Variants in PRKCZ observed in about 807,000 individuals in gnomAD.
The protein encoded by PRKCZ is protein kinase C zeta type.
Under a neutral mutation model 79.5 loss-of-function variants are expected in PRKCZ, and 33 were observed. That is an observed-to-expected ratio of 0.41 (90% CI 0.31 to 0.55). The LOEUF is 0.55. Among genes scored for constraint, PRKCZ ranks in the 20% least tolerant of loss-of-function variants. The pLI, the probability that PRKCZ is intolerant of heterozygous loss-of-function variation, is 0.19. For synonymous variants in PRKCZ, 342 were observed against 320.9 expected, an observed-to-expected ratio of 1.07 and a Z score of -0.70; for missense variants, 578 against 813.5, an observed-to-expected ratio of 0.71 and a Z score of 3.52.
At chr1:2,122,075 GGTAGTTAGGGTC>G (rs1557615576) in intron 4 of PRKCZ, among the ~76,000 whole-genome samples, 19 of 82,638 alleles carry the variant, frequency 2.3e-4, no homozygotes, top group Non-Finnish European at 3.1e-4. Flanking sequence ...GGGTCACGGT[GGTAGTTAGGGTC>G]GTGGTGGTTA....
rs1222440316 is a variant in PRKCZ at position 2,174,442 on chromosome 1, C to T, written c.1406-312C>T. Among the ~76,000 whole-genome samples, 1 of 152,232 alleles carries T rather than the reference C, an allele frequency of 6.6e-6. No individual in the cohort carries two copies. Among genetic ancestry groups the T allele is most frequent in the African/African-American group, 2.4e-5 (1 of 41,460 alleles). ...GCTGTGGGGATGTGGGATCTGGGAA[C>T]GCGGCTGTCTCCGCGGTGCCCTCTG... On this transcript the variant is annotated intron_variant, in intron 14 of 17. Coordinates refer to ENST00000378567, the MANE Select transcript of PRKCZ (RefSeq NM_002744.6). This position sits in a 1 kb window ranked among gnomAD's most constrained non-coding sequence, Gnocchi z 6.2.
intron 9 of PRKCZ, 94 bp from the exon 10 acceptor site, chr1:2,155,901 G>C (rs1680940781): frequency 9.4e-7 from 1 of 1,068,432 alleles, no homozygotes; most frequent in Admixed American, 1.7e-5. Context: ...CCTGAAAGCG[G>C]AGGAAAGAGA....
intron 4 of PRKCZ, among the ~76,000 whole-genome samples, chr1:2,086,279 T>C (rs1478465136): frequency 2.0e-5 from 3 of 152,220 alleles, no homozygotes; most frequent in East Asian, 1.9e-4. Flanking sequence ...CAGGCTGATC[T>C]TGAACTCCTG....
chr1:2,122,696 T>TCAC (rs1557619201), intron 4 of PRKCZ, among the ~76,000 whole-genome samples: 1 of 7,386 alleles, frequency 1.4e-4, no homozygotes, highest in Non-Finnish European at 2.0e-4. Flanking sequence ...GTGGTTAGGG[T>TCAC]TGTGGTGGTT....
chr1:2,155,724 TAGTG>T (rs1196673697), intron 9 of PRKCZ, among the ~76,000 whole-genome samples: 4 of 142,990 alleles, frequency 2.8e-5, no homozygotes, highest in Non-Finnish European at 4.6e-5. Context: ...GTGACGATGA[TAGTG>T]GGGGGTGGGG....
intron 4 of PRKCZ, among the ~76,000 whole-genome samples, chr1:2,086,682 C>T (rs898397834): frequency 2.0e-5 from 3 of 152,204 alleles, no homozygotes; most frequent in South Asian, 2.1e-4. Flanking sequence ...AGGCTGTGCC[C>T]GGTGGGCGGT....
Position 2,128,525 on chromosome 1 carries a change from C to T in PRKCZ, c.335-6737C>T, listed in dbSNP as rs971902237. On this transcript the variant is annotated intron_variant, in intron 4 of 17. Coordinates refer to ENST00000378567, the MANE Select transcript of PRKCZ (RefSeq NM_002744.6). The surrounding 1 kb of genome is among the most constrained non-coding windows in gnomAD (Gnocchi z 6.5). The stretch of plus-strand genomic sequence containing the variant: ...CTGAGCTCCTTAGAATTCCTGTGGC[C>T]GTCCTAATTATAGAATCTCAAAGAC... Among the ~76,000 whole-genome samples the T allele has an allele frequency of 2.6e-5, 4 of 152,194 alleles. No individual in the cohort carries two copies. Among genetic ancestry groups the T allele is most frequent in the East Asian group, 1.9e-4 (1 of 5,190 alleles).
rs367865287 is a variant in PRKCZ, at chr1:2,185,037, G to T, written c.*28G>T. On this transcript the variant is annotated 3_prime_UTR_variant, in exon 18 of 18. Coordinates refer to ENST00000378567, the MANE Select transcript of PRKCZ (RefSeq NM_002744.6). ...CCGCGTGCGTCTCTGTCGTGGACAC[G>T]CGTGATTGACCCTTTAACTGTATCC... 2 of 1,576,730 alleles carry T rather than the reference G, an allele frequency of 1.3e-6. No homozygotes were observed. The highest frequency in any genetic ancestry group is 2.3e-5 in the South Asian group (2 of 88,456).
chr1:2,146,538 G>T (rs1452797089), intron 7 of PRKCZ, among the ~76,000 whole-genome samples: 1 of 152,214 alleles, frequency 6.6e-6, no homozygotes, highest in African/African-American at 2.4e-5. Flanking sequence ...CGTGGCAGTG[G>T]CATGGTCCTT....
intron 10 of PRKCZ, among the ~76,000 whole-genome samples, chr1:2,158,371 G>A (rs1041432899): frequency 3.9e-5 from 6 of 152,314 alleles, no homozygotes; most frequent in East Asian, 1.9e-4. Flanking sequence ...GCGTGTGGAC[G>A]AGGCTTGTGG....
At chr1:2,162,500 A>G (rs1682514575) in intron 10 of PRKCZ, among the ~76,000 whole-genome samples, 1 of 152,146 alleles carries the variant, frequency 6.6e-6, no homozygotes, top group Admixed American at 6.5e-5. Context: ...ACATCCTTCT[A>G]AGTGTTGGAT....
At chr1:2,116,494 T>C (rs1670790660) in intron 4 of PRKCZ, among the ~76,000 whole-genome samples, 1 of 152,186 alleles carries the variant, frequency 6.6e-6, no homozygotes, top group Non-Finnish European at 1.5e-5. Context: ...TTTTTTGTGT[T>C]GCAAACAGCT....
At position 2,144,495 on chromosome 1, in the gene PRKCZ, C is replaced by T. The variant is rs111803142; in HGVS notation, c.552+154C>T. 2.3e-4 allele frequency: 328 copies of T among 1,446,884 alleles called. 3 individuals are homozygous for T. The African/African-American group carries it at 4.0e-3, about 18-fold the overall frequency. The allele number at this position is 1,446,884 out of a possible 1,614,324, so 89.6% of individuals were successfully genotyped here. ...GGGCTGCAGCGTGAGACTCAGGCGG[C>T]AGTCTTGGATAGGACCCATCTTCCT... On this transcript the variant is annotated intron_variant, in intron 6 of 17. Coordinates refer to ENST00000378567, the MANE Select transcript of PRKCZ (RefSeq NM_002744.6).
chr1:2,073,471 C>A, intron 4 of PRKCZ: 1 of 302,170 alleles, frequency 3.3e-6, no homozygotes, highest in African/African-American at 2.3e-5. Flanking sequence ...CCTGGCAGGC[C>A]AACCTGCAGG....
At chr1:2,115,963 C>T (rs1670668976) in intron 4 of PRKCZ, among the ~76,000 whole-genome samples, 1 of 152,214 alleles carries the variant, frequency 6.6e-6, no homozygotes, top group Non-Finnish European at 1.5e-5. Flanking sequence ...TCTCTCCTGT[C>T]TCCTCTCTGG....
intron 4 of PRKCZ, among the ~76,000 whole-genome samples, chr1:2,117,231 C>G (rs1323606490): frequency 6.6e-6 from 1 of 152,168 alleles, no homozygotes; most frequent in African/African-American, 2.4e-5. Context: ...ATTACAGATG[C>G]AAGCCACTGC....
chr1:2,149,877 G>A lies in PRKCZ; in HGVS notation c.688-913G>A, dbSNP rs375247060. Among the ~76,000 whole-genome samples the A allele has an allele frequency of 1.3e-5, 2 of 148,666 alleles. No individual in the cohort carries two copies. Among genetic ancestry groups the A allele is most frequent in the Admixed American group, 6.8e-5 (1 of 14,736 alleles). The stretch of plus-strand genomic sequence containing the variant: ...GTCTGTCTCAAAAAAAGCAGAATCC[G>A]GCTGGGCGCGGTGGCTCACGCCTGT... On this transcript the variant is annotated intron_variant, in intron 8 of 17. Transcript: ENST00000378567. This position sits in a 1 kb window ranked among gnomAD's most constrained non-coding sequence, Gnocchi z 4.1.
chr1:2,102,831 G>A (rs979634092), intron 4 of PRKCZ, among the ~76,000 whole-genome samples: 9 of 152,070 alleles, frequency 5.9e-5, no homozygotes, highest in Admixed American at 1.3e-4. Flanking sequence ...GGCTGGAGGG[G>A]CCTTACCCTT....
intron 5 of PRKCZ, chr1:2,143,254 CTCCTG>C (rs1677778328): frequency 6.6e-6 from 1 of 152,282 alleles, no homozygotes; most frequent in Non-Finnish European, 1.5e-5. Flanking sequence ...TGGTCTCAAT[CTCCTG>C]ACCTCCTGAT....
Sources: gnomAD v4.1 joint callset for allele counts (sites outside exome capture counted in the v4.1 genomes callset) on GRCh38, gnomAD v4.1.1 for gene constraint, Gnocchi (gnomAD v3.1) non-coding constraint, MANE v1.5 for transcripts, NCBI Gene and HGNC (gene_info 2026-07-23, HGNC 2026-07-21) for gene names.